Variants in NUP37 observed in about 807,000 individuals in gnomAD.
The protein encoded by NUP37 is nucleoporin 37, also known as nucleoporin Nup37.
Under a neutral mutation model 45.4 loss-of-function variants are expected in NUP37, and 33 were observed. The ratio of observed to expected loss-of-function variants is 0.73; its 90% confidence interval spans 0.55 to 0.97. NUP37 has a LOEUF of 0.97. NUP37 is among the 50% of genes least tolerant of loss of function. The pLI is 0.00. For missense variants in NUP37, 365 were observed against 389.7 expected (o/e 0.94, Z 0.53); for synonymous variants, 127 against 130.7 (o/e 0.97, Z 0.19).
At position 102,112,848 on chromosome 12, in the gene NUP37, T is replaced by C. The variant is rs74405783; in HGVS notation, c.157-616A>G. 6.0e-3 allele frequency among the ~76,000 whole-genome samples: 917 copies of C among 152,322 alleles called. 4 individuals are homozygous for C. The highest frequency in any genetic ancestry group is 0.021 in the African/African-American group (873 of 41,568). ...ATGTAGTGTTACATGTGGCATTATA[T>C]GTGTGTAAGATGCTACAAATAATTC... On this transcript the variant is annotated intron_variant, in intron 2 of 9. Transcript: ENST00000552283.
At chr12:102,079,082 C>A in intron 6 of NUP37, 1 of 404,144 alleles carries the variant, frequency 2.5e-6, no homozygotes, top group Non-Finnish European at 4.9e-6. Context: ...TCTTTTAATT[C>A]TGGTTCTATT....
intron 3 of NUP37, among the ~76,000 whole-genome samples, chr12:102,108,812 A>T (rs545573897): frequency 6.6e-6 from 1 of 152,314 alleles, no homozygotes; most frequent in East Asian, 1.9e-4. Context: ...TCTCCTACGG[A>T]TTTCCTCAGT....
intron 3 of NUP37, among the ~76,000 whole-genome samples, chr12:102,105,770 G>C (rs1039018483): frequency 6.7e-6 from 1 of 150,006 alleles, no homozygotes; most frequent in Non-Finnish European, 1.5e-5. Context: ...CTGAGGCAGG[G>C]AGAATCACTT....
chr12:102,110,850 G>T (rs1880294366), intron 3 of NUP37, among the ~76,000 whole-genome samples: 1 of 152,140 alleles, frequency 6.6e-6, no homozygotes, highest in Non-Finnish European at 1.5e-5. Flanking sequence ...GTCTCAAAAT[G>T]AATGAATGAG....
chr12:102,102,292 T>C (rs1368147941), intron 3 of NUP37, among the ~76,000 whole-genome samples: 1 of 152,172 alleles, frequency 6.6e-6, no homozygotes. Flanking sequence ...CCCTTTCCAG[T>C]AATTTGTCAA....
intron 5 of NUP37, among the ~76,000 whole-genome samples, chr12:102,090,382 A>T (rs1204849819): frequency 6.6e-6 from 1 of 152,190 alleles, no homozygotes; most frequent in African/African-American, 2.4e-5. Context: ...AGTGCCAAGA[A>T]TGAGAAGGCT....
chr12:102,114,996 T>C (rs1880423009), intron 2 of NUP37, among the ~76,000 whole-genome samples: 1 of 152,206 alleles, frequency 6.6e-6, no homozygotes. Flanking sequence ...CTCCTCTAGG[T>C]GAAGACACAC....
intron 3 of NUP37, among the ~76,000 whole-genome samples, chr12:102,107,550 C>G (rs927873766): frequency 7.2e-5 from 11 of 152,166 alleles, no homozygotes; most frequent in Non-Finnish European, 1.6e-4. Flanking sequence ...CAAGTGTGCA[C>G]ATGGACATTA....
rs1010080420 is a variant in NUP37 at position 102,111,735 on chromosome 12, T to A, written c.281+373A>T. ...TATACTGTTGGACAAAAAAATGTGA[T>A]CTTGGCCTATGGGTGGGGAAGGAAA... is the stretch of plus-strand genomic sequence containing the variant. On this transcript the variant is annotated intron_variant, in intron 3 of 9. Transcript: ENST00000552283. Among the ~76,000 whole-genome samples the A allele has an allele frequency of 2.6e-5, 4 of 152,316 alleles. No homozygotes were observed. The South Asian group carries it at 8.3e-4, about 32-fold the overall frequency.
chr12:102,116,611 A>G (rs941872300), intron 2 of NUP37, among the ~76,000 whole-genome samples: 4 of 152,224 alleles, frequency 2.6e-5, no homozygotes, highest in Non-Finnish European at 5.9e-5. Context: ...TTCAATTCAC[A>G]CTTCCTCTTA....
chr12:102,108,757 A>T lies in NUP37; in HGVS notation c.281+3351T>A, dbSNP rs192406600. Among the ~76,000 whole-genome samples, 44 of 152,322 alleles carry T rather than the reference A, an allele frequency of 2.9e-4. No individual in the cohort carries two copies. The East Asian group carries it at 6.6e-3, about 23-fold the overall frequency. On this transcript the variant is annotated intron_variant, in intron 3 of 9. Transcript: ENST00000552283. ...AATTCATTATTTATTTGCTCATAGG[A>T]AACTCTAGACAAATTTGCCACAATA...
At chr12:102,087,518 G>A (rs1162317064) in intron 5 of NUP37, among the ~76,000 whole-genome samples, 1 of 152,116 alleles carries the variant, frequency 6.6e-6, no homozygotes, top group Non-Finnish European at 1.5e-5. Context: ...CAATTTAATT[G>A]AAGAGAGAAA....
In NUP37 at chr12:102,099,156, A is replaced by G; in HGVS notation, c.399T>C (p.Asp133=). The change falls in exon 5 of 10, where the codon GAT becomes GAC. Residue 133 remains aspartate (D), a synonymous_variant. Transcript: ENST00000552283. ...HTDFINGLVF[D]PKEGQEIASV... is the part of the protein sequence containing the mutation. ...TTGCAATTTCTTGGCCTTCTTTGGGATCAAACACCAAACCATTAATGAAAT... is the reference window on the plus strand; with the variant it reads ...TTGCAATTTCTTGGCCTTCTTTGGGGTCAAACACCAAACCATTAATGAAAT... The G allele has an allele frequency of 2.5e-6, 4 of 1,613,882 alleles. No homozygotes were observed. Among genetic ancestry groups the G allele is most frequent in the Non-Finnish European group, 3.4e-6 (4 of 1,179,798 alleles).
At chr12:102,117,619 G>C (rs774745369) in intron 2 of NUP37, among the ~76,000 whole-genome samples, 30 of 152,138 alleles carry the variant, frequency 2.0e-4, no homozygotes, top group Non-Finnish European at 3.2e-4. Context: ...AAACCTGAGA[G>C]TGTTACCACT....
intron 6 of NUP37, among the ~76,000 whole-genome samples, chr12:102,079,593 C>T (rs1300886481): frequency 1.3e-5 from 2 of 152,132 alleles, no homozygotes; most frequent in Non-Finnish European, 2.9e-5. Flanking sequence ...ATAGACCTCA[C>T]CATGAACAGT....
chr12:102,077,950 A>AT (rs1310830716), intron 6 of NUP37, among the ~76,000 whole-genome samples: 1 of 152,300 alleles, frequency 6.6e-6, no homozygotes, highest in East Asian at 1.9e-4. Context: ...TATATTACAA[A>AT]TGGAAGATCA....
intron 2 of NUP37, among the ~76,000 whole-genome samples, chr12:102,116,528 T>C (rs1385214365): frequency 1.3e-5 from 2 of 152,142 alleles, no homozygotes; most frequent in Non-Finnish European, 2.9e-5. Context: ...TAATTTCTAC[T>C]CCCACCCAAA....
At chr12:102,119,988 G>C (rs1323184366) in intron 1 of NUP37, 62 bp downstream of exon 1, 1 of 154,198 alleles carries the variant, frequency 6.5e-6, no homozygotes, top group Non-Finnish European at 1.4e-5. Context: ...GAATAGAGTG[G>C]CAAGGCTGGG....
chr12:102,119,981 T>C lies in NUP37; in HGVS notation c.-66+69A>G, dbSNP rs773402465. The C allele has an allele frequency of 3.0e-4, 46 of 153,740 alleles. 1 individual carries two copies. The highest frequency in any genetic ancestry group is 8.7e-5 in the Non-Finnish European group (6 of 69,028). 9.5% of individuals were successfully genotyped at this position (153,740 alleles called of 1,614,324 possible). A position where few individuals can be genotyped will look rare whatever the true frequency, so the allele number is the denominator to read the frequency against. ...AGTGGGAAGGAAGAACTCCTGGGAA[T>C]AGAGTGGCAAGGCTGGGCGGCCGGC... is the stretch of plus-strand genomic sequence containing the variant. On this transcript the variant is annotated intron_variant, in intron 1 of 9. Coordinates refer to ENST00000552283, the MANE Select transcript of NUP37 (RefSeq NM_024057.4).
Sources: gnomAD v4.1 joint callset for allele counts (sites outside exome capture counted in the v4.1 genomes callset) on GRCh38, gnomAD v4.1.1 for gene constraint, MANE v1.5 for transcripts, NCBI Gene and HGNC (gene_info 2026-07-23, HGNC 2026-07-21) for gene names.